The following RSRC1 variants were observed in gnomAD, a reference collection of about 807,000 sequenced individuals.
RSRC1 encodes serine/Arginine-related protein 53.
RSRC1 carries 39 observed loss-of-function variants against 49.1 expected under a neutral mutation model. The observed-to-expected ratio is 0.79, with a 90% CI of 0.61 to 1.04. The LOEUF is 1.04. RSRC1 is among the 50% of genes least tolerant of loss of function. The pLI is 0.00. For missense variants in RSRC1, 388 were observed against 402.4 expected (o/e 0.96, Z 0.31); for synonymous variants, 143 against 130.8 (o/e 1.09, Z -0.63).
At chr3:158,321,599 A>G (rs1340864908) in intron 5 of RSRC1, among the ~76,000 whole-genome samples, 1 of 148,668 alleles carries the variant, frequency 6.7e-6, no homozygotes, top group East Asian at 2.0e-4. Context: ...ATTTATATGT[A>G]TTATATATGA....
intron 5 of RSRC1, among the ~76,000 whole-genome samples, chr3:158,308,856 G>C (rs764392210): frequency 1.3e-5 from 2 of 151,868 alleles, no homozygotes; most frequent in Non-Finnish European, 2.9e-5. Context: ...TTAGCCACCA[G>C]ATTTTCTCAT....
intron 5 of RSRC1, among the ~76,000 whole-genome samples, chr3:158,335,080 A>G (rs760158913): frequency 5.3e-5 from 8 of 152,132 alleles, no homozygotes; most frequent in Non-Finnish European, 8.8e-5. Flanking sequence ...AGTTGGTTTC[A>G]GTATTGAGGC....
At chr3:158,157,240 T>C (rs1332234246) in intron 3 of RSRC1, among the ~76,000 whole-genome samples, 1 of 152,180 alleles carries the variant, frequency 6.6e-6, no homozygotes, top group Non-Finnish European at 1.5e-5. Flanking sequence ...ATCTAGTACA[T>C]ACTAAGGGCC....
chr3:158,119,887 A>G (rs1024251778), intron 1 of RSRC1, among the ~76,000 whole-genome samples: 34 of 142,060 alleles, frequency 2.4e-4, no homozygotes, highest in African/African-American at 8.2e-4. Flanking sequence ...CTGGAGTGCA[A>G]TGGCACTATC....
intron 6 of RSRC1, among the ~76,000 whole-genome samples, chr3:158,424,275 G>A (rs1735270417): frequency 6.6e-6 from 1 of 151,734 alleles, no homozygotes; most frequent in Non-Finnish European, 1.5e-5. Flanking sequence ...TTTATTGAGA[G>A]TTTTTAGCAT....
At chr3:158,286,700 C>T (rs1317156962) in intron 4 of RSRC1, among the ~76,000 whole-genome samples, 2 of 152,134 alleles carry the variant, frequency 1.3e-5, no homozygotes, top group African/African-American at 4.8e-5. Context: ...TTTCAGTTTC[C>T]TGTTGAGTTA....
intron 3 of RSRC1, among the ~76,000 whole-genome samples, chr3:158,152,062 T>A: frequency 7.1e-6 from 1 of 141,732 alleles, no homozygotes; most frequent in East Asian, 2.1e-4. Context: ...AAATTAAAAA[T>A]CATATCTTAT....
At chr3:158,124,347 C>T (rs932365548) in intron 3 of RSRC1, among the ~76,000 whole-genome samples, 2 of 151,990 alleles carry the variant, frequency 1.3e-5, no homozygotes, top group African/African-American at 2.4e-5. Context: ...AGGATTTTTG[C>T]GTCAGTATTC....
At chr3:158,261,908 T>C (rs1724915952) in intron 4 of RSRC1, among the ~76,000 whole-genome samples, 1 of 152,186 alleles carries the variant, frequency 6.6e-6, no homozygotes, top group Admixed American at 6.5e-5. Context: ...AATAGAAATA[T>C]AGTGCACGGT....
intron 4 of RSRC1, among the ~76,000 whole-genome samples, chr3:158,204,753 C>T (rs1695777380): frequency 6.6e-6 from 1 of 152,154 alleles, no homozygotes; most frequent in Non-Finnish European, 1.5e-5. Context: ...TTAAAAATTA[C>T]ATGGCTGTGG....
chr3:158,431,023 C>A (rs1362153736), intron 6 of RSRC1, among the ~76,000 whole-genome samples: 1 of 151,874 alleles, frequency 6.6e-6, no homozygotes, highest in African/African-American at 2.4e-5. Context: ...ATGAGTTGTA[C>A]AGTAAAGAAA....
At chr3:158,256,878 C>A (rs1054733080) in intron 4 of RSRC1, among the ~76,000 whole-genome samples, 1 of 151,906 alleles carries the variant, frequency 6.6e-6, no homozygotes, top group Non-Finnish European at 1.5e-5. Flanking sequence ...ATAGTATTCT[C>A]TGATGGTAGT....
chr3:158,193,576 A>G (rs1720365438), intron 3 of RSRC1, among the ~76,000 whole-genome samples: 1 of 152,148 alleles, frequency 6.6e-6, no homozygotes, highest in Non-Finnish European at 1.5e-5. Context: ...CTATATGCAT[A>G]TAACGTATTT....
chr3:158,342,281 T>C (rs1173229594), intron 5 of RSRC1, among the ~76,000 whole-genome samples: 2 of 152,182 alleles, frequency 1.3e-5, no homozygotes, highest in Non-Finnish European at 2.9e-5. Context: ...CCACCAAATC[T>C]CAACTTGAAT....
chr3:158,273,316 A>G (rs1307857208), intron 4 of RSRC1, among the ~76,000 whole-genome samples: 1 of 152,120 alleles, frequency 6.6e-6, no homozygotes, highest in Non-Finnish European at 1.5e-5. Context: ...TAAGTCATAC[A>G]CATTTTCCAT....
chr3:158,231,271 G>T (rs943347475), intron 4 of RSRC1, among the ~76,000 whole-genome samples: 1 of 149,526 alleles, frequency 6.7e-6, no homozygotes, highest in Admixed American at 6.8e-5. Flanking sequence ...AGGTAGCTGG[G>T]ATTACAGGTG....
intron 6 of RSRC1, among the ~76,000 whole-genome samples, chr3:158,366,750 T>C (rs1451176283): frequency 6.6e-6 from 1 of 152,208 alleles, no homozygotes; most frequent in Non-Finnish European, 1.5e-5. Flanking sequence ...AGTATGGCCA[T>C]GTTCATGATA....
intron 6 of RSRC1, among the ~76,000 whole-genome samples, chr3:158,363,092 C>T (rs1345337684): frequency 6.6e-6 from 1 of 152,058 alleles, no homozygotes; most frequent in African/African-American, 2.4e-5. Flanking sequence ...TTATAGTTTT[C>T]AAAGCACTTT....
chr3:158,129,999 G>A (rs1449752567), intron 3 of RSRC1, among the ~76,000 whole-genome samples: 1 of 152,182 alleles, frequency 6.6e-6, no homozygotes, highest in Non-Finnish European at 1.5e-5. Flanking sequence ...TAGGGCAGCT[G>A]TGACAAGATA....
Sources: allele counts gnomAD v4.1 joint callset (sites outside exome capture counted in the v4.1 genomes callset), GRCh38; gene constraint gnomAD v4.1.1; transcripts MANE v1.5; gene names NCBI Gene and HGNC (gene_info 2026-07-23, HGNC 2026-07-21).